Variants in NXPE3 observed in about 807,000 individuals in gnomAD.
NXPE3 encodes the protein NXPE family member 3.
A neutral mutation model predicts 46.1 loss-of-function variants in NXPE3; 26 were observed. The observed-to-expected ratio is 0.56, with a 90% CI of 0.41 to 0.78. The LOEUF is 0.78. Among genes scored for constraint, NXPE3 ranks in the 30% least tolerant of loss-of-function variants. The pLI is 0.00. For synonymous variants in NXPE3, 272 were observed against 257.9 expected (o/e 1.05, Z -0.52); for missense variants, 620 against 686.0 (o/e 0.90, Z 1.07).
chr3:101,799,173 C>T (rs1941005132), intron 4 of NXPE3, among the ~76,000 whole-genome samples: 1 of 151,958 alleles, frequency 6.6e-6, no homozygotes, highest in Non-Finnish European at 1.5e-5. Flanking sequence ...CTCCTGGCCT[C>T]AAGCAGTTCT....
At chr3:101,803,606 T>A (rs1016798412) in intron 5 of NXPE3, among the ~76,000 whole-genome samples, 19 of 152,230 alleles carry the variant, frequency 1.2e-4, no homozygotes, top group Non-Finnish European at 2.4e-4. Context: ...TCAATTACCC[T>A]ATTTTAGAGG....
chr3:101,807,149 T>C (rs763406590), intron 6 of NXPE3, 23 bp downstream of exon 6: 8 of 1,582,646 alleles, frequency 5.1e-6, no homozygotes, highest in Non-Finnish European at 6.9e-6. Context: ...ATAAGCTTGA[T>C]GATTTGTTGT....
intron 4 of NXPE3, among the ~76,000 whole-genome samples, chr3:101,794,270 G>A (rs988204578): frequency 3.9e-5 from 6 of 152,114 alleles, no homozygotes; most frequent in Non-Finnish European, 8.8e-5. Context: ...CACAGATGGA[G>A]CATATAACCT....
At chr3:101,818,003 A>G (rs1365668856) in intron 7 of NXPE3, among the ~76,000 whole-genome samples, 3 of 151,860 alleles carry the variant, frequency 2.0e-5, no homozygotes, top group South Asian at 2.1e-4. Context: ...CGATCCTCCC[A>G]CCTCAGCCTC....
At chr3:101,811,165 A>G (rs1211738015) in intron 6 of NXPE3, among the ~76,000 whole-genome samples, 1 of 152,152 alleles carries the variant, frequency 6.6e-6, no homozygotes, top group Non-Finnish European at 1.5e-5. Context: ...CACAGCCCTG[A>G]TAATAGCCTG....
In NXPE3 at chr3:101,801,380, C is replaced by T. The variant is rs908998923; in HGVS notation, c.239C>T (p.Ser80Phe). 6.2e-7 allele frequency: 1 copy of T among 1,614,088 alleles called. No homozygotes were observed. Among genetic ancestry groups the T allele is most frequent in the Non-Finnish European group, 8.5e-7 (1 of 1,180,048 alleles). ...AGCCAGGAGCGCATGGAGGAGGACTCCTTGCTGGCTGCCTTGCACCGGCAG... is the reference window on the plus strand; with the variant it reads ...AGCCAGGAGCGCATGGAGGAGGACTTCTTGCTGGCTGCCTTGCACCGGCAG... ...LSSQERMEED[S>F]LLAALHRQVP... The change falls in exon 5 of 8, where the codon TCC becomes TTC. Residue 80 changes from serine (S) to phenylalanine (F), a missense_variant. Physicochemically the swap from Ser to Phe is radical, Grantham distance 155. This residue lies in a region of NXPE3 where 511 missense variants were observed against 528.6 expected (regional missense o/e 0.97). Coordinates refer to ENST00000273347, the MANE Select transcript of NXPE3 (RefSeq NM_145037.4).
chr3:101,783,214 A>G (rs1939934245), intron 3 of NXPE3, among the ~76,000 whole-genome samples: 1 of 152,092 alleles, frequency 6.6e-6, no homozygotes, highest in Non-Finnish European at 1.5e-5. Flanking sequence ...GGCACCCGCC[A>G]CCACGCCCAG....
At position 101,824,332 on chromosome 3, in the gene NXPE3, A is replaced by G. The variant is rs1341651799; in HGVS notation, c.*2378A>G. On this transcript the variant is annotated 3_prime_UTR_variant, in exon 8 of 8. Transcript: ENST00000273347. ...TTCATGATCCAATAGTATTGGTGAT[A>G]TTAGCTCCATTTTATAGATGAGGAA... 1 of 152,228 alleles carries G rather than the reference A, an allele frequency of 6.6e-6. No homozygotes were observed. The highest frequency in any genetic ancestry group is 2.4e-5 in the African/African-American group (1 of 41,468). 9.4% of individuals were successfully genotyped at this position (152,228 alleles called of 1,614,324 possible). A position where few individuals can be genotyped will look rare whatever the true frequency, so the allele number is the denominator to read the frequency against.
chr3:101,792,827 A>C (rs1560042250), intron 4 of NXPE3, among the ~76,000 whole-genome samples: 1 of 152,314 alleles, frequency 6.6e-6, no homozygotes, highest in South Asian at 2.1e-4. Flanking sequence ...TGCTAGGAAT[A>C]GCATTGAATC....
chr3:101,827,683 ATTCC>A lies in NXPE3; in HGVS notation c.*5731_*5734del, dbSNP rs573745500. On this transcript the variant is annotated 3_prime_UTR_variant, in exon 8 of 8. Transcript: ENST00000273347. The stretch of plus-strand genomic sequence containing the variant: ...GTTTTGTTTGTAGATGTTGCCTCTG[ATTCC>A]TCCCTGCGGCTCCAGTCCAGGTCTT... Among the ~76,000 whole-genome samples, 50 of 152,210 alleles carry A rather than the reference ATTCC, an allele frequency of 3.3e-4. No homozygotes were observed. Among genetic ancestry groups the A allele is most frequent in the Non-Finnish European group, 5.7e-4 (39 of 68,004 alleles).
intron 3 of NXPE3, among the ~76,000 whole-genome samples, chr3:101,784,116 A>G (rs1939997687): frequency 6.6e-6 from 1 of 152,228 alleles, no homozygotes; most frequent in African/African-American, 2.4e-5. Flanking sequence ...TTTGTTGCAT[A>G]GATTGTTGAA....
rs1055984220 is a variant in NXPE3, at chr3:101,824,899, T to C, written c.*2945T>C. 1 of 152,250 alleles carries C rather than the reference T, an allele frequency of 6.6e-6. No homozygotes were observed. The highest frequency in any genetic ancestry group is 1.5e-5 in the Non-Finnish European group (1 of 68,046). 9.4% of individuals were successfully genotyped at this position (152,250 alleles called of 1,614,324 possible). On this transcript the variant is annotated 3_prime_UTR_variant, in exon 8 of 8. Coordinates refer to ENST00000273347, the MANE Select transcript of NXPE3 (RefSeq NM_145037.4). ...ACTTGATTGTGCAAATGATTTCTTA[T>C]GATCTTGTCTGGTTTTCTGTTATTT...
rs375258623 is a variant in NXPE3, at chr3:101,822,516, G to T, written c.*562G>T. Reference sequence around the variant, plus strand: ...TTACTTGAAAAGGCCAATGTGCTTGGTTCGAGTTTTTTAGTGAATATTTAC... The same window carrying T: ...TTACTTGAAAAGGCCAATGTGCTTGTTTCGAGTTTTTTAGTGAATATTTAC... On this transcript the variant is annotated 3_prime_UTR_variant, in exon 8 of 8. Transcript: ENST00000273347. The T allele has an allele frequency of 4.6e-5, 7 of 152,354 alleles. No individual in the cohort carries two copies. The highest frequency in any genetic ancestry group is 1.7e-4 in the African/African-American group (7 of 41,544). 9.4% of individuals were successfully genotyped at this position (152,354 alleles called of 1,614,324 possible).
intron 4 of NXPE3, among the ~76,000 whole-genome samples, chr3:101,799,944 C>G (rs1008531313): frequency 6.6e-6 from 1 of 151,880 alleles, no homozygotes; most frequent in Non-Finnish European, 1.5e-5. Flanking sequence ...TAATTTGTGT[C>G]CTCCCTCTTT....
intron 7 of NXPE3, among the ~76,000 whole-genome samples, chr3:101,819,674 G>A (rs187953081): frequency 6.6e-6 from 1 of 152,148 alleles, no homozygotes; most frequent in East Asian, 1.9e-4. Flanking sequence ...GGTACAATGT[G>A]ATATTTTATA....
At chr3:101,816,257 G>C (rs989927419) in intron 6 of NXPE3, among the ~76,000 whole-genome samples, 1 of 150,718 alleles carries the variant, frequency 6.6e-6, no homozygotes, top group Non-Finnish European at 1.5e-5. Flanking sequence ...TCCCATTTTT[G>C]TACAAAGGAA....
chr3:101,788,295 A>G (rs1375199853), intron 4 of NXPE3, among the ~76,000 whole-genome samples: 1 of 152,162 alleles, frequency 6.6e-6, no homozygotes, highest in Non-Finnish European at 1.5e-5. Context: ...TATCAGACAT[A>G]TGATTTGCAA....
At chr3:101,785,039 ATAACT>A (rs895839472) in intron 3 of NXPE3, among the ~76,000 whole-genome samples, 4 of 152,346 alleles carry the variant, frequency 2.6e-5, no homozygotes, top group African/African-American at 9.6e-5. Context: ...GCAGTGTTAC[ATAACT>A]TAAAGGGAAG....
In NXPE3 at chr3:101,801,808, A is replaced by G; in HGVS notation, c.667A>G (p.Thr223Ala). Reference protein sequence around the residue: ...LFRSGRISETTECNVCLPGNL... With the variant: ...LFRSGRISETAECNVCLPGNL... The stretch of plus-strand genomic sequence containing the variant: ...CCGTTCAGGAAGAATTTCTGAAACT[A>G]CTGAGTGCAACGTGTGTCTTCCTGG... The change falls in exon 5 of 8, where the codon ACT (threonine) becomes GCT (alanine). Residue 223 changes from threonine (T) to alanine (A), a missense_variant. Around this residue, in one of 3 missense-constraint regions of NXPE3, gnomAD observed 511 missense variants for 528.6 expected, o/e 0.97. Transcript: ENST00000273347. 1 of 1,614,164 alleles carries G rather than the reference A, an allele frequency of 6.2e-7. No individual in the cohort carries two copies. Among genetic ancestry groups the G allele is most frequent in the Non-Finnish European group, 8.5e-7 (1 of 1,180,024 alleles).
Sources: allele counts gnomAD v4.1 joint callset (sites outside exome capture counted in the v4.1 genomes callset), GRCh38; gene constraint gnomAD v4.1.1; regional missense constraint gnomAD v4.1.1; transcripts MANE v1.5; gene names NCBI Gene and HGNC (gene_info 2026-07-23, HGNC 2026-07-21).